The following GPC5 variants were observed in gnomAD, a reference collection of about 807,000 sequenced individuals.
GPC5 encodes glypican 5, also known as glypican-5.
Under a neutral mutation model 53.9 loss-of-function variants are expected in GPC5, and 47 were observed. The ratio of observed to expected loss-of-function variants is 0.87; its 90% confidence interval spans 0.69 to 1.11. The LOEUF is 1.11. Ranked by LOEUF, GPC5 falls within the 50% of genes most tolerant of loss-of-function variation. The probability of loss-of-function intolerance (pLI) is 0.00; values close to 1 mark genes in which losing one functional copy is unlikely to be tolerated. For missense variants in GPC5, 748 were observed against 713.1 expected (o/e 1.05, Z -0.56); for synonymous variants, 286 against 263.3 (o/e 1.09, Z -0.84).
At chr13:92,106,390 ATATT>A (rs1242891256) in intron 6 of GPC5, among the ~76,000 whole-genome samples, 4 of 152,094 alleles carry the variant, frequency 2.6e-5, no homozygotes, top group South Asian at 4.1e-4. Flanking sequence ...ATGTATGAAA[ATATT>A]TATTTTAATT....
chr13:92,574,587 A>T (rs1883134398), intron 7 of GPC5, among the ~76,000 whole-genome samples: 1 of 152,112 alleles, frequency 6.6e-6, no homozygotes, highest in African/African-American at 2.4e-5. Context: ...ATTTATATTC[A>T]TGTGAAAGAA....
At chr13:92,400,120 G>A (rs1875490001) in intron 7 of GPC5, among the ~76,000 whole-genome samples, 1 of 152,138 alleles carries the variant, frequency 6.6e-6, no homozygotes, top group Admixed American at 6.5e-5. Flanking sequence ...GACTGGAGTA[G>A]GAGAATTGGT....
At chr13:91,911,970 G>A (rs1341564610) in intron 6 of GPC5, among the ~76,000 whole-genome samples, 1 of 152,152 alleles carries the variant, frequency 6.6e-6, no homozygotes, top group African/African-American at 2.4e-5. Flanking sequence ...AGAGGAATGT[G>A]CAGAACTCAG....
chr13:92,250,813 C>G (rs1321573012), intron 7 of GPC5, among the ~76,000 whole-genome samples: 1 of 151,870 alleles, frequency 6.6e-6, no homozygotes, highest in Non-Finnish European at 1.5e-5. Context: ...GTAATGTAAA[C>G]TAATAAAAAT....
At chr13:91,615,420 A>G (rs989059976) in intron 2 of GPC5, among the ~76,000 whole-genome samples, 3 of 152,214 alleles carry the variant, frequency 2.0e-5, no homozygotes, top group Non-Finnish European at 2.9e-5. Context: ...TCTATTGACA[A>G]GAAAAAAAAT....
chr13:92,072,066 TATATATAAAA>T (rs2041216001), intron 6 of GPC5, among the ~76,000 whole-genome samples: 1 of 146,250 alleles, frequency 6.8e-6, no homozygotes, highest in Non-Finnish European at 1.5e-5. Context: ...ATTTTATTTA[TATATATAAAA>T]ATATATAATT....
At chr13:92,817,731 G>A (rs1396479946) in intron 7 of GPC5, among the ~76,000 whole-genome samples, 1 of 151,934 alleles carries the variant, frequency 6.6e-6, no homozygotes, top group African/African-American at 2.4e-5. Flanking sequence ...TTCACTGAAG[G>A]TCTGAGAAAC....
At chr13:91,683,252 C>A (rs2035549089) in intron 2 of GPC5, among the ~76,000 whole-genome samples, 1 of 152,198 alleles carries the variant, frequency 6.6e-6, no homozygotes, top group African/African-American at 2.4e-5. Context: ...CAGCCACCAG[C>A]AGCTGGAAAA....
intron 7 of GPC5, among the ~76,000 whole-genome samples, chr13:92,372,757 ATTGT>A (rs1424004295): frequency 6.6e-6 from 1 of 152,164 alleles, no homozygotes; most frequent in Non-Finnish European, 1.5e-5. Context: ...AAGCAGAAAC[ATTGT>A]TTGAGTACTG....
intron 7 of GPC5, among the ~76,000 whole-genome samples, chr13:92,343,801 C>T (rs2043386929): frequency 6.6e-6 from 1 of 151,932 alleles, no homozygotes; most frequent in Admixed American, 6.6e-5. Flanking sequence ...TTTTTATATT[C>T]TGTTAAAACC....
chr13:92,202,478 A>G (rs1379188040), intron 7 of GPC5, among the ~76,000 whole-genome samples: 1 of 152,240 alleles, frequency 6.6e-6, no homozygotes, highest in Non-Finnish European at 1.5e-5. Context: ...ATTCAAAAGC[A>G]TGTGAAGCAT....
At chr13:91,947,630 G>A (rs966663590) in intron 6 of GPC5, among the ~76,000 whole-genome samples, 1 of 105,866 alleles carries the variant, frequency 9.4e-6, no homozygotes, top group Non-Finnish European at 2.3e-5. Flanking sequence ...TGTGCTAGTA[G>A]AGCAGTTGAG....
At chr13:92,460,793 T>A (rs1878447333) in intron 7 of GPC5, among the ~76,000 whole-genome samples, 1 of 147,082 alleles carries the variant, frequency 6.8e-6, no homozygotes, top group Admixed American at 6.9e-5. Flanking sequence ...TGTTAAAGTA[T>A]GTGTGAAAGT....
intron 5 of GPC5, among the ~76,000 whole-genome samples, chr13:91,882,667 T>TG (rs1555293904): frequency 1.0e-5 from 1 of 96,776 alleles, no homozygotes; most frequent in Admixed American, 1.5e-4. Context: ...GTTTGTTTTT[T>TG]GGGTTTTTTT....
chr13:92,846,263 G>A (rs1335956541), intron 7 of GPC5, among the ~76,000 whole-genome samples: 6 of 152,108 alleles, frequency 3.9e-5, no homozygotes, highest in Non-Finnish European at 2.9e-5. Flanking sequence ...TGAGGGAAAT[G>A]ATCTAATTAC....
intron 1 of GPC5, among the ~76,000 whole-genome samples, chr13:91,401,172 A>G (rs1876924028): frequency 6.6e-6 from 1 of 152,180 alleles, no homozygotes; most frequent in African/African-American, 2.4e-5. Context: ...ACCCCCCAAA[A>G]AAGGCATTCA....
chr13:91,830,944 TTA>T (rs971275750), intron 5 of GPC5, among the ~76,000 whole-genome samples: 3 of 135,896 alleles, frequency 2.2e-5, no homozygotes, highest in Non-Finnish European at 3.1e-5. Flanking sequence ...ATATATCCTA[TTA>T]TATATGATAT....
At chr13:91,726,552 A>T (rs1423895859) in intron 3 of GPC5, among the ~76,000 whole-genome samples, 2 of 152,146 alleles carry the variant, frequency 1.3e-5, no homozygotes, top group Non-Finnish European at 2.9e-5. Context: ...TCAGGAACCC[A>T]TCTTTCCAAG....
At chr13:91,463,585 T>C (rs1479344378) in intron 2 of GPC5, among the ~76,000 whole-genome samples, 1 of 152,110 alleles carries the variant, frequency 6.6e-6, no homozygotes, top group Non-Finnish European at 1.5e-5. Flanking sequence ...ACATGTGGTA[T>C]TGACGAAGGG....
Sources: allele counts gnomAD v4.1 joint callset (sites outside exome capture counted in the v4.1 genomes callset), GRCh38; gene constraint gnomAD v4.1.1; transcripts MANE v1.5; gene names NCBI Gene and HGNC (gene_info 2026-07-23, HGNC 2026-07-21).